Variants in STARD13 observed in about 807,000 individuals in gnomAD.
STARD13 encodes stAR-related lipid transfer protein 13.
A neutral mutation model predicts 106.4 loss-of-function variants in STARD13; 62 were observed. That is an observed-to-expected ratio of 0.58 (90% confidence interval 0.48 to 0.72). The LOEUF (loss-of-function observed/expected upper bound fraction) is 0.72. STARD13 is among the 30% of genes least tolerant of loss of function. The probability of loss-of-function intolerance (pLI) is 0.00; values close to 1 mark genes in which losing one functional copy is unlikely to be tolerated. For missense variants in STARD13, 1,387 were observed against 1,424.0 expected (o/e 0.97, Z 0.42); for synonymous variants, 565 against 553.0 (o/e 1.02, Z -0.31).
chr13:33,527,774 C>T, the STARD13 span, among the ~76,000 whole-genome samples: 1 of 151,600 alleles, frequency 6.6e-6, no homozygotes, highest in Non-Finnish European at 1.5e-5. Context: ...AAAATTATAG[C>T]ATGCTATTTT....
chr13:33,462,872 C>T, the STARD13 span, among the ~76,000 whole-genome samples: 9 of 152,162 alleles, frequency 5.9e-5, no homozygotes, highest in South Asian at 1.2e-3. Context: ...AACACCCTCA[C>T]GGACACACCC....
At chr13:33,582,989 C>T in the STARD13 span, among the ~76,000 whole-genome samples, 1 of 152,182 alleles carries the variant, frequency 6.6e-6, no homozygotes, top group Admixed American at 6.5e-5. Flanking sequence ...TGAGCATAGG[C>T]ACTTTTCTCC....
At chr13:33,542,616 G>GCCGCCCCGGGTTT in the STARD13 span, among the ~76,000 whole-genome samples, 9 of 152,114 alleles carry the variant, frequency 5.9e-5, no homozygotes, top group South Asian at 2.1e-4. Context: ...GCCCGCTGGC[G>GCCGCCCCGGGTTT]CCGCCCCGGG....
At chr13:33,639,027 G>T in the STARD13 span, among the ~76,000 whole-genome samples, 1 of 151,954 alleles carries the variant, frequency 6.6e-6, no homozygotes, top group Non-Finnish European at 1.5e-5. Context: ...TTTTTCTAGG[G>T]GCTGGAGATA....
chr13:33,422,569 T>C, the STARD13 span, among the ~76,000 whole-genome samples: 1 of 152,160 alleles, frequency 6.6e-6, no homozygotes, highest in Admixed American at 6.6e-5. Context: ...CCAATGACTT[T>C]CTTCACAGAA....
intron 2 of STARD13, among the ~76,000 whole-genome samples, chr13:33,167,015 C>CAAAAAAAA (rs1010175989): frequency 7.2e-6 from 1 of 139,246 alleles, no homozygotes; most frequent in African/African-American, 2.8e-5. Context: ...AAAAAAAAAC[C>CAAAAAAAA]AAAAAAAAAT....
At chr13:33,482,142 T>C in the STARD13 span, among the ~76,000 whole-genome samples, 3 of 152,180 alleles carry the variant, frequency 2.0e-5, no homozygotes, top group Non-Finnish European at 4.4e-5. Flanking sequence ...ATTTTACTGA[T>C]GAATTGACAC....
intron 1 of STARD13, among the ~76,000 whole-genome samples, chr13:33,317,091 C>A (rs920380004): frequency 3.3e-5 from 5 of 152,040 alleles, no homozygotes; most frequent in African/African-American, 1.2e-4. Context: ...AGGGCTCATT[C>A]CCTGTCCTCC....
chr13:33,408,527 A>C, the STARD13 span, among the ~76,000 whole-genome samples: 1 of 152,108 alleles, frequency 6.6e-6, no homozygotes, highest in Admixed American at 6.6e-5. Flanking sequence ...GTTTGTATAC[A>C]CCACATTTTC....
chr13:33,404,600 A>G, the STARD13 span, among the ~76,000 whole-genome samples: 1 of 152,272 alleles, frequency 6.6e-6, no homozygotes, highest in South Asian at 2.1e-4. Flanking sequence ...ACAATAAAGT[A>G]AGATCTTGGG....
rs757933829 is a variant in STARD13, at chr13:33,165,452, T to C, written c.242-34A>G. 3.9e-6 allele frequency: 6 copies of C among 1,535,316 alleles called. No individual in the cohort carries two copies. The Admixed American group carries it at 1.0e-4, about 26-fold the overall frequency. ...GAAAGACAAAGAAGTTGATGTACTT[T>C]GTTTTATCTGAATGAGCACCAACAT... On this transcript the variant is annotated intron_variant, in intron 2 of 13. Transcript: ENST00000336934.
chr13:33,246,039 G>A (rs967914423), intron 1 of STARD13, among the ~76,000 whole-genome samples: 3 of 152,162 alleles, frequency 2.0e-5, no homozygotes, highest in Admixed American at 6.5e-5. Context: ...TGCAGGAAGG[G>A]ATGGGGTGGG....
At chr13:33,428,558 G>GA in the STARD13 span, among the ~76,000 whole-genome samples, 1 of 152,052 alleles carries the variant, frequency 6.6e-6, no homozygotes, top group South Asian at 2.1e-4. Context: ...ACAGACATAT[G>GA]AAAAAATGCT....
chr13:33,119,680 A>G (rs1413188013), intron 7 of STARD13, among the ~76,000 whole-genome samples: 1 of 152,242 alleles, frequency 6.6e-6, no homozygotes, highest in African/African-American at 2.4e-5. Flanking sequence ...CAGAATTCTT[A>G]GTAATATTTC....
chr13:33,444,516 A>G, the STARD13 span, among the ~76,000 whole-genome samples: 1 of 152,202 alleles, frequency 6.6e-6, no homozygotes, highest in Non-Finnish European at 1.5e-5. Context: ...CTGTAATCCC[A>G]GTACTTTGGG....
At chr13:33,345,987 C>G (rs116151112), downstream of STARD13, among the ~76,000 whole-genome samples, 1,604 of 152,318 alleles carry the variant, frequency 0.011, 38 homozygotes, top group African/African-American at 0.037. Context: ...TCATCCCCAC[C>G]TCCTGGTAGC....
chr13:33,563,881 A>T, the STARD13 span, among the ~76,000 whole-genome samples: 1 of 147,486 alleles, frequency 6.8e-6, no homozygotes, highest in Non-Finnish European at 1.5e-5. Flanking sequence ...AGTAGCACAC[A>T]CACGAAAAAT....
the STARD13 span, among the ~76,000 whole-genome samples, chr13:33,659,404 T>TG: frequency 1.3e-5 from 2 of 152,058 alleles, no homozygotes; most frequent in African/African-American, 2.4e-5. Context: ...TTAGTAGAGA[T>TG]GGGGTTTCAT....
At chr13:33,313,689 C>T (rs757057377) in intron 1 of STARD13, among the ~76,000 whole-genome samples, 15 of 152,246 alleles carry the variant, frequency 9.9e-5, no homozygotes, top group Admixed American at 2.6e-4. Flanking sequence ...AGTAATACAA[C>T]TGATGTTGAC....
Sources: gnomAD v4.1 joint callset for allele counts (sites outside exome capture counted in the v4.1 genomes callset) on GRCh38, gnomAD v4.1.1 for gene constraint, MANE v1.5 for transcripts, NCBI Gene and HGNC (gene_info 2026-07-23, HGNC 2026-07-21) for gene names.